The following DLG2 variants were observed in gnomAD, a reference collection of about 807,000 sequenced individuals.
DLG2 encodes the protein discs large MAGUK scaffold protein 2, also known as disks large homolog 2.
DLG2 carries 45 observed loss-of-function variants against 132.5 expected under a neutral mutation model. That is an observed-to-expected ratio of 0.34 (90% CI 0.27 to 0.44). DLG2 has a LOEUF of 0.44. Ranked by LOEUF, DLG2 falls within the 20% of genes least tolerant of loss-of-function variation. DLG2 has a pLI of 1.00. For synonymous variants in DLG2, 424 were observed against 419.6 expected (o/e 1.01, Z -0.13); for missense variants, 1,045 against 1,196.9 (o/e 0.87, Z 1.87).
chr11:85,489,356 G>C (rs1198163507), intron 3 of DLG2, among the ~76,000 whole-genome samples: 1 of 152,044 alleles, frequency 6.6e-6, no homozygotes, highest in African/African-American at 2.4e-5. Context: ...TCAGCAAGAG[G>C]ATATAATCAT....
At chr11:83,927,921 T>C (rs941298062) in intron 15 of DLG2, among the ~76,000 whole-genome samples, 1 of 142,210 alleles carries the variant, frequency 7.0e-6, no homozygotes, top group African/African-American at 2.9e-5. Flanking sequence ...ATAGTAAGGA[T>C]GACTCTCAAG....
intron 7 of DLG2, among the ~76,000 whole-genome samples, chr11:84,261,324 T>G (rs1201351021): frequency 6.6e-6 from 1 of 152,192 alleles, no homozygotes; most frequent in African/African-American, 2.4e-5. Context: ...GTCTTTGTTT[T>G]CATTTCTTCC....
chr11:85,006,133 T>C (rs1435771402), intron 6 of DLG2, among the ~76,000 whole-genome samples: 1 of 152,190 alleles, frequency 6.6e-6, no homozygotes, highest in African/African-American at 2.4e-5. Flanking sequence ...TGCCCATAGT[T>C]TATTGAGGAT....
intron 4 of DLG2, among the ~76,000 whole-genome samples, chr11:85,215,599 G>A (rs1287503946): frequency 1.3e-5 from 2 of 152,114 alleles, no homozygotes; most frequent in Non-Finnish European, 2.9e-5. Context: ...ACCCAAAGAT[G>A]TTCCAGAAGA....
At chr11:84,179,616 G>A (rs557714563) in intron 8 of DLG2, among the ~76,000 whole-genome samples, 36 of 152,254 alleles carry the variant, frequency 2.4e-4, no homozygotes, top group Middle Eastern at 3.4e-3. Flanking sequence ...AATATTAGAA[G>A]AAAATCTACT....
At chr11:84,435,600 G>A (rs942436776) in intron 7 of DLG2, among the ~76,000 whole-genome samples, 2 of 152,130 alleles carry the variant, frequency 1.3e-5, no homozygotes, top group Admixed American at 6.5e-5. Context: ...TGATGTAAAT[G>A]TATCTTACTC....
chr11:83,643,354 T>A (rs527929547), intron 18 of DLG2, among the ~76,000 whole-genome samples: 225 of 152,280 alleles, frequency 1.5e-3, no homozygotes, highest in African/African-American at 5.2e-3. Context: ...TAGCTGCCAA[T>A]GGTGATTCTC....
At chr11:84,839,877 C>T (rs1195562402) in intron 6 of DLG2, among the ~76,000 whole-genome samples, 2 of 151,966 alleles carry the variant, frequency 1.3e-5, no homozygotes, top group African/African-American at 2.4e-5. Flanking sequence ...GGCCTATAAC[C>T]ATAAAAACCC....
At chr11:83,469,492 TATGAC>T in intron 24 of DLG2, 119 bp from the exon 25 acceptor site, 1 of 716,674 alleles carries the variant, frequency 1.4e-6, no homozygotes, top group South Asian at 2.1e-5. Flanking sequence ...TATGAAGAAA[TATGAC>T]ATAGTAACAG....
intron 6 of DLG2, among the ~76,000 whole-genome samples, chr11:85,091,338 C>A (rs2068741933): frequency 1.3e-5 from 2 of 152,220 alleles, no homozygotes; most frequent in Admixed American, 6.5e-5. Context: ...TCTGACCCTT[C>A]AGTGAGTCAC....
intron 7 of DLG2, among the ~76,000 whole-genome samples, chr11:84,406,521 G>T (rs1048675526): frequency 2.6e-5 from 4 of 152,112 alleles, no homozygotes; most frequent in African/African-American, 9.7e-5. Context: ...CACTTTGTTT[G>T]TAGAGATGGG....
intron 4 of DLG2, among the ~76,000 whole-genome samples, chr11:85,167,168 G>A (rs1239232033): frequency 3.9e-5 from 6 of 152,070 alleles, no homozygotes; most frequent in East Asian, 3.9e-4. Flanking sequence ...AGAGTTCTAC[G>A]ATGCCAGGTC....
chr11:85,083,041 T>A (rs1047806160), intron 6 of DLG2, among the ~76,000 whole-genome samples: 2 of 152,150 alleles, frequency 1.3e-5, no homozygotes, highest in Admixed American at 1.3e-4. Context: ...CCAAGACTAC[T>A]GTCTACCATC....
intron 6 of DLG2, among the ~76,000 whole-genome samples, chr11:84,653,106 T>G (rs1468180927): frequency 6.6e-6 from 1 of 152,052 alleles, no homozygotes; most frequent in African/African-American, 2.4e-5. Flanking sequence ...ATTTTTGTAT[T>G]TTTAGTAGAG....
At chr11:85,090,772 G>T (rs895887307) in intron 6 of DLG2, among the ~76,000 whole-genome samples, 1 of 151,986 alleles carries the variant, frequency 6.6e-6, no homozygotes, top group Non-Finnish European at 1.5e-5. Flanking sequence ...GAATTTTTTT[G>T]TTTCCCAGTT....
In DLG2 at chr11:85,103,636, T is replaced by A. The variant is rs77967859; in HGVS notation, c.357+8025A>T. ...ACTATAAAACTTTTAAAAGAAAATGTAGAAGGAAATCTTTGTGACCTTGGG... is the reference window on the plus strand; with the variant it reads ...ACTATAAAACTTTTAAAAGAAAATGAAGAAGGAAATCTTTGTGACCTTGGG... On this transcript the variant is annotated intron_variant, in intron 6 of 27. Coordinates refer to ENST00000376104, the MANE Select transcript of DLG2 (RefSeq NM_001142699.3). Among the ~76,000 whole-genome samples, 256 of 152,006 alleles carry A rather than the reference T, an allele frequency of 1.7e-3. 6 individuals carry two copies. In the East Asian group the frequency reaches 0.043, roughly 25 times the overall value.
chr11:84,293,776 C>T (rs531459997), intron 7 of DLG2, among the ~76,000 whole-genome samples: 1 of 152,224 alleles, frequency 6.6e-6, no homozygotes, highest in East Asian at 1.9e-4. Flanking sequence ...TTAAACTAAG[C>T]CGTTGCTGAA....
At chr11:85,596,947 T>C (rs921769414) in intron 3 of DLG2, among the ~76,000 whole-genome samples, 14 of 152,252 alleles carry the variant, frequency 9.2e-5, no homozygotes, top group African/African-American at 2.7e-4. Flanking sequence ...TGGTTTATCC[T>C]AAAATGACTT....
intron 3 of DLG2, among the ~76,000 whole-genome samples, chr11:85,465,634 C>A (rs184542391): frequency 0.012 from 1,845 of 152,258 alleles, 39 homozygotes; most frequent in African/African-American, 0.042. Flanking sequence ...AGGACATGAA[C>A]TCATCATTTT....
Sources: gnomAD v4.1 joint callset for allele counts (sites outside exome capture counted in the v4.1 genomes callset) on GRCh38, gnomAD v4.1.1 for gene constraint, MANE v1.5 for transcripts, NCBI Gene and HGNC (gene_info 2026-07-23, HGNC 2026-07-21) for gene names.